Variants in DCHS2 observed in about 807,000 individuals in gnomAD.
The protein encoded by DCHS2 is dachsous cadherin-related 2.
A neutral mutation model predicts 182.4 loss-of-function variants in DCHS2; 142 were observed. That is an observed-to-expected ratio of 0.78 (90% CI 0.68 to 0.89). The LOEUF is 0.89. Among genes scored for constraint, DCHS2 ranks in the 40% least tolerant of loss-of-function variants. The pLI is 0.00. For missense variants in DCHS2, 4,319 were observed against 4,198.6 expected (o/e 1.03, Z -0.79); for synonymous variants, 1,740 against 1,663.3 (o/e 1.05, Z -1.12).
At chr4:154,303,486 A>G (rs1366367993) in intron 12 of DCHS2, among the ~76,000 whole-genome samples, 8 of 24,806 alleles carry the variant, frequency 3.2e-4, no homozygotes, top group Admixed American at 2.6e-3. Context: ...AAGTGAAGCA[A>G]AAAAAAAAAA....
chr4:154,331,998 G>A (rs1736551122), intron 5 of DCHS2, among the ~76,000 whole-genome samples: 1 of 152,164 alleles, frequency 6.6e-6, no homozygotes, highest in South Asian at 2.1e-4. Context: ...TATATTCTTA[G>A]AGTGATTTTG....
intron 2 of DCHS2, among the ~76,000 whole-genome samples, chr4:154,368,343 T>C (rs983325550): frequency 2.6e-5 from 4 of 152,070 alleles, no homozygotes; most frequent in African/African-American, 9.7e-5. Flanking sequence ...TTATTTCTCC[T>C]CAAATTCAAG....
chr4:154,251,232 ATATT>A (rs1412399534), intron 16 of DCHS2, among the ~76,000 whole-genome samples: 2 of 152,220 alleles, frequency 1.3e-5, no homozygotes, highest in African/African-American at 4.8e-5. Flanking sequence ...CTTGCCTTGA[ATATT>A]TATTTATTTT....
At chr4:154,371,287 A>G (rs943612383) in intron 2 of DCHS2, among the ~76,000 whole-genome samples, 1 of 151,976 alleles carries the variant, frequency 6.6e-6, no homozygotes, top group African/African-American at 2.4e-5. Context: ...TGGAGAAAGG[A>G]GTAGAAATTA....
chr4:154,343,544 C>A, intron 3 of DCHS2: 1 of 1,526,188 alleles, frequency 6.6e-7, no homozygotes, highest in Non-Finnish European at 8.8e-7. Flanking sequence ...CTTCATCTTG[C>A]ACTTTTAGGT....
chr4:154,343,559 G>C, intron 3 of DCHS2: 1 of 1,527,342 alleles, frequency 6.5e-7, no homozygotes, highest in Non-Finnish European at 8.8e-7. Context: ...TTAGGTAATG[G>C]AGATGGCGTC....
chr4:154,333,548 A>G (rs1728620485), intron 4 of DCHS2, 54 bp from the exon 5 acceptor site: 16 of 1,498,300 alleles, frequency 1.1e-5, no homozygotes, highest in Non-Finnish European at 1.1e-5. Context: ...GACCCACTGG[A>G]AACTCAGAAA....
intron 15 of DCHS2, among the ~76,000 whole-genome samples, chr4:154,256,377 C>T (rs1268054009): frequency 6.6e-6 from 1 of 152,108 alleles, no homozygotes; most frequent in African/African-American, 2.4e-5. Flanking sequence ...TCAAGCGATC[C>T]ACCTGCATCA....
chr4:154,371,422 T>C (rs2110787227), intron 2 of DCHS2, among the ~76,000 whole-genome samples: 1 of 152,170 alleles, frequency 6.6e-6, no homozygotes, highest in African/African-American at 2.4e-5. Flanking sequence ...GGGTAGGTTG[T>C]TTTAATCAGG....
At chr4:154,354,777 A>T (rs1233573287) in intron 3 of DCHS2, 1 of 152,114 alleles carries the variant, frequency 6.6e-6, no homozygotes, top group Non-Finnish European at 1.5e-5. Flanking sequence ...CCTTCCCATC[A>T]TCCAGTAGTC....
chr4:154,435,701 C>A (rs1463280267), intron 1 of DCHS2, among the ~76,000 whole-genome samples: 1 of 152,090 alleles, frequency 6.6e-6, no homozygotes, highest in Non-Finnish European at 1.5e-5. Flanking sequence ...CTCTCATTTA[C>A]CTCCTAACAA....
intron 1 of DCHS2, among the ~76,000 whole-genome samples, chr4:154,433,957 A>G (rs894321404): frequency 6.6e-6 from 1 of 152,248 alleles, no homozygotes; most frequent in Admixed American, 6.5e-5. Context: ...AAAGCAAAAG[A>G]AAAAAGGAAA....
chr4:154,362,279 C>T (rs952086665), intron 3 of DCHS2, among the ~76,000 whole-genome samples: 9 of 152,096 alleles, frequency 5.9e-5, no homozygotes, highest in Non-Finnish European at 7.4e-5. Context: ...TTTGAGGAAA[C>T]GTGGGGATAG....
rs1277812077 is a variant in DCHS2 at position 154,234,727 on chromosome 4, GGTGTTTCGGA to G, written c.9915_9924del (p.Pro3306HisfsTer16). 6.2e-7 allele frequency: 1 copy of G among 1,613,808 alleles called. No homozygotes were observed. The highest frequency in any genetic ancestry group is 1.3e-5 in the African/African-American group (1 of 74,868). ...AGATGGTAGGGGATGGGAGAGCGTG[GGTGTTTCGGA>G]GGCACCTGCCCCAGGTTTACTGCCG... On this transcript the variant is annotated frameshift_variant, in exon 20 of 20. Transcript: ENST00000357232. LOFTEE classifies it low-confidence loss of function (END_TRUNC).
At chr4:154,449,852 C>T (rs1405691481) in intron 1 of DCHS2, among the ~76,000 whole-genome samples, 1 of 152,184 alleles carries the variant, frequency 6.6e-6, no homozygotes, top group Non-Finnish European at 1.5e-5. Context: ...TTGTGATAAT[C>T]AACGTCATAA....
intron 1 of DCHS2, among the ~76,000 whole-genome samples, chr4:154,405,960 C>T (rs1167521491): frequency 2.6e-5 from 4 of 152,180 alleles, no homozygotes; most frequent in African/African-American, 9.7e-5. Context: ...AGGGGATAGC[C>T]CTTGCTTGAA....
At chr4:154,329,404 A>C in intron 6 of DCHS2, 119 bp downstream of exon 6, 1 of 1,049,754 alleles carries the variant, frequency 9.5e-7, no homozygotes, top group Non-Finnish European at 1.4e-6. Flanking sequence ...GTCTTCTAGA[A>C]AAAGTATGCT....
chr4:154,357,366 A>G, intron 3 of DCHS2: 2 of 1,337,268 alleles, frequency 1.5e-6, no homozygotes, highest in South Asian at 1.2e-5. Context: ...AGCAGGGAAA[A>G]GCAAAAAGAA....
chr4:154,384,020 C>T lies in DCHS2; in HGVS notation c.2053-6576G>A, dbSNP rs1054480594. Among the ~76,000 whole-genome samples the T allele has an allele frequency of 2.0e-5, 3 of 152,188 alleles. No individual in the cohort carries two copies. In the East Asian group the frequency reaches 5.8e-4, roughly 29 times the overall value. On this transcript the variant is annotated intron_variant, in intron 1 of 19. Coordinates refer to ENST00000357232, the MANE Select transcript of DCHS2 (RefSeq NM_001358235.2). ...GTTTGAAGAAACAAAGTTATTAACA[C>T]AACACACACATAGAACTTTACATAG... is the stretch of plus-strand genomic sequence containing the variant.
Sources: gnomAD v4.1 joint callset for allele counts (sites outside exome capture counted in the v4.1 genomes callset) on GRCh38, gnomAD v4.1.1 for gene constraint, MANE v1.5 for transcripts, NCBI Gene and HGNC (gene_info 2026-07-23, HGNC 2026-07-21) for gene names.